Variants in NUP107 observed in about 807,000 individuals in gnomAD.
The protein encoded by NUP107 is nuclear pore complex protein Nup107.
Under a neutral mutation model 141.0 loss-of-function variants are expected in NUP107, and 101 were observed. The observed-to-expected ratio is 0.72, with a 90% CI of 0.61 to 0.84. The LOEUF (loss-of-function observed/expected upper bound fraction) is 0.84. Ranked by LOEUF, NUP107 falls within the 40% of genes least tolerant of loss-of-function variation. The pLI is 0.00. For synonymous variants in NUP107, 319 were observed against 363.9 expected (o/e 0.88, Z 1.41); for missense variants, 941 against 1,102.7 (o/e 0.85, Z 2.08).
At chr12:68,700,878 T>C in intron 7 of NUP107, 25 bp downstream of exon 7, 1 of 1,541,638 alleles carries the variant, frequency 6.5e-7, no homozygotes, top group Non-Finnish European at 8.7e-7. Flanking sequence ...AATTCATAAG[T>C]GAAATAAACA....
chr12:68,695,354 G>T (rs1034335356), intron 5 of NUP107, among the ~76,000 whole-genome samples: 1 of 152,208 alleles, frequency 6.6e-6, no homozygotes, highest in African/African-American at 2.4e-5. Flanking sequence ...TAGCCAAAAG[G>T]TAGAAGCAAG....
At chr12:68,704,574 C>T (rs1250486394) in intron 8 of NUP107, among the ~76,000 whole-genome samples, 2 of 151,836 alleles carry the variant, frequency 1.3e-5, no homozygotes, top group South Asian at 2.1e-4. Flanking sequence ...ATGCCTCAGC[C>T]TCCCTAGTAG....
intron 20 of NUP107, among the ~76,000 whole-genome samples, chr12:68,729,657 G>A (rs534608358): frequency 6.6e-6 from 1 of 151,946 alleles, no homozygotes; most frequent in Non-Finnish European, 1.5e-5. Context: ...TGGCCAGGCT[G>A]GTCTCAAATT....
chr12:68,734,780 C>T lies in NUP107; in HGVS notation c.2335C>T (p.Gln779Ter), dbSNP rs1168533826. 1 of 1,613,404 alleles carries T rather than the reference C, an allele frequency of 6.2e-7. No individual in the cohort carries two copies. The highest frequency in any genetic ancestry group is 8.5e-7 in the Non-Finnish European group (1 of 1,179,708). ...SVPQKPALIP[Q>*]PTFTEKVAHE... ...TCCACAAAAACCTGCTTTGATACCT[C>T]AACCAACTTTTACTGAGAAAGTGGC... Residue 779 changes from glutamine (Q) to a stop codon, truncating the protein, a stop_gained, in exon 25 of 28, where the codon CAA (glutamine) becomes TAA (stop). Coordinates refer to ENST00000229179, the MANE Select transcript of NUP107 (RefSeq NM_020401.4). LOFTEE classifies it high-confidence loss of function.
intron 8 of NUP107, among the ~76,000 whole-genome samples, chr12:68,705,307 CTT>C (rs1377039622): frequency 6.6e-6 from 1 of 152,058 alleles, no homozygotes; most frequent in African/African-American, 2.4e-5. Flanking sequence ...GTAGTGATGA[CTT>C]TGACTGTTTT....
At chr12:68,725,837 G>GTGTT (rs1555178666) in intron 18 of NUP107, 41 bp downstream of exon 18, 46 of 621,534 alleles carry the variant, frequency 7.4e-5, no homozygotes, top group South Asian at 8.5e-5. Context: ...TTTTGTGTGT[G>GTGTT]TTTTTTTTTT....
At chr12:68,706,078 C>T in intron 8 of NUP107, 1 of 781,272 alleles carries the variant, frequency 1.3e-6, no homozygotes, top group South Asian at 1.3e-5. Context: ...CAAACTTCTG[C>T]TGGCAGCTGT....
chr12:68,738,506 CA>C (rs1878174586), intron 26 of NUP107, among the ~76,000 whole-genome samples: 1 of 151,874 alleles, frequency 6.6e-6, no homozygotes, highest in Admixed American at 6.6e-5. Context: ...GGTTCCATGG[CA>C]AGTGCACACA....
intron 17 of NUP107, among the ~76,000 whole-genome samples, chr12:68,722,714 A>G (rs1384931695): frequency 1.3e-5 from 2 of 152,150 alleles, no homozygotes; most frequent in East Asian, 3.8e-4. Flanking sequence ...ATTTTACTAC[A>G]TATATTACTC....
chr12:68,728,285 CAAAA>C (rs553304592), intron 20 of NUP107, among the ~76,000 whole-genome samples: 1 of 84,472 alleles, frequency 1.2e-5, no homozygotes. Flanking sequence ...GAGACCATCT[CAAAA>C]AAAAAAAAAA....
intron 20 of NUP107, among the ~76,000 whole-genome samples, chr12:68,730,715 A>G (rs1177685410): frequency 6.6e-6 from 1 of 152,250 alleles, no homozygotes; most frequent in African/African-American, 2.4e-5. Flanking sequence ...CTGTAATCCC[A>G]GCACTTTAGG....
chr12:68,702,598 A>G (rs1002746193), intron 7 of NUP107, 138 bp from the exon 8 acceptor site: 1 of 583,136 alleles, frequency 1.7e-6, no homozygotes, highest in Non-Finnish European at 3.0e-6. Context: ...AAATACAGAT[A>G]TACATATTTG....
rs565505051 is a variant in NUP107, at chr12:68,697,037, G to A, written c.552+115G>A. 36 of 542,076 alleles carry A rather than the reference G, an allele frequency of 6.6e-5. No individual in the cohort carries two copies. In the Admixed American group the frequency reaches 9.2e-4, roughly 14 times the overall value. 33.6% of individuals were successfully genotyped at this position (542,076 alleles called of 1,614,324 possible). ...AGGTGTCTTAGGGGAACAGTGGCAG[G>A]AGTGGAGGGAAAGTCAACTAGAGCA... On this transcript the variant is annotated intron_variant, in intron 6 of 27. Coordinates refer to ENST00000229179, the MANE Select transcript of NUP107 (RefSeq NM_020401.4).
chr12:68,727,451 A>G, intron 20 of NUP107, 62 bp downstream of exon 20: 1 of 906,036 alleles, frequency 1.1e-6, no homozygotes, highest in Non-Finnish European at 1.7e-6. Context: ...CAAAACTCAG[A>G]ATGATGCTAT....
At chr12:68,709,750 G>T (rs1158264118) in intron 9 of NUP107, among the ~76,000 whole-genome samples, 1 of 151,986 alleles carries the variant, frequency 6.6e-6, no homozygotes, top group East Asian at 1.9e-4. Context: ...TTAGCTGGGT[G>T]TGGTGGTGGG....
At chr12:68,687,812 C>T in intron 1 of NUP107, 1 of 233,688 alleles carries the variant, frequency 4.3e-6, no homozygotes, top group Middle Eastern at 2.2e-3. Flanking sequence ...GAGATGGGTA[C>T]TGTTATCCTT....
At chr12:68,691,841 GAA>G (rs777729661) in intron 4 of NUP107, 125 bp from the exon 5 acceptor site, 16,512 of 558,512 alleles carry the variant, frequency 0.03, no homozygotes, top group East Asian at 0.041. Context: ...CTCAAGAAGG[GAA>G]AAAAAAAAAA....
chr12:68,733,657 T>C, intron 24 of NUP107, 45 bp downstream of exon 24: 1 of 1,558,510 alleles, frequency 6.4e-7, no homozygotes, highest in Non-Finnish European at 8.7e-7. Context: ...TTCATGATGA[T>C]TTTTCGGATT....
chr12:68,705,752 G>T (rs1876547627), intron 8 of NUP107: 2 of 713,606 alleles, frequency 2.8e-6, no homozygotes, highest in Non-Finnish European at 5.2e-6. Context: ...AGCTTCTCCC[G>T]AATGGGCAGC....
Sources: gnomAD v4.1 joint callset for allele counts (sites outside exome capture counted in the v4.1 genomes callset) on GRCh38, gnomAD v4.1.1 for gene constraint, MANE v1.5 for transcripts, NCBI Gene and HGNC (gene_info 2026-07-23, HGNC 2026-07-21) for gene names.